DDAH1: variants seen among roughly 807,000 people sequenced by gnomAD.
DDAH1 encodes dimethylarginine dimethylaminohydrolase 1.
Under a neutral mutation model 28.8 loss-of-function variants are expected in DDAH1, and 19 were observed. The ratio of observed to expected loss-of-function variants is 0.66; its 90% CI spans 0.46 to 0.97. The LOEUF (loss-of-function observed/expected upper bound fraction) is 0.97. Among genes scored for constraint, DDAH1 ranks in the 50% least tolerant of loss-of-function variants. The pLI is 0.00. For missense variants in DDAH1, 326 were observed against 375.9 expected (o/e 0.87, Z 1.10); for synonymous variants, 153 against 154.4 (o/e 0.99, Z 0.07).
intron 1 of DDAH1, among the ~76,000 whole-genome samples, chr1:85,451,089 G>A (rs887981967): frequency 6.6e-6 from 1 of 152,184 alleles, no homozygotes; most frequent in African/African-American, 2.4e-5. Context: ...TGCCAGCTGA[G>A]GATCAAGTGC....
At chr1:85,447,952 A>G (rs1557642433) in intron 1 of DDAH1, 1 of 152,196 alleles carries the variant, frequency 6.6e-6, no homozygotes, top group Non-Finnish European at 1.5e-5. Flanking sequence ...TGGAGACCCT[A>G]TACAGTGCTG....
At chr1:85,544,725 C>T (rs544822685) in intron 1 of DDAH1, among the ~76,000 whole-genome samples, 5 of 152,254 alleles carry the variant, frequency 3.3e-5, no homozygotes, top group South Asian at 4.2e-4. Context: ...GGATGGAACA[C>T]GACTCCTTTT....
At chr1:85,381,858 C>T (rs961879193) in intron 1 of DDAH1, among the ~76,000 whole-genome samples, 6 of 152,120 alleles carry the variant, frequency 3.9e-5, no homozygotes, top group South Asian at 4.2e-4. Flanking sequence ...AAACTTACTA[C>T]GTCCACATAA....
intron 1 of DDAH1, among the ~76,000 whole-genome samples, chr1:85,387,003 G>A (rs1346386451): frequency 2.0e-5 from 3 of 152,210 alleles, no homozygotes; most frequent in Non-Finnish European, 4.4e-5. Context: ...TCCTGAGGTG[G>A]TATAGGGCAG....
At chr1:85,345,014 T>C (rs1258118567) in intron 4 of DDAH1, among the ~76,000 whole-genome samples, 1 of 152,172 alleles carries the variant, frequency 6.6e-6, no homozygotes, top group Non-Finnish European at 1.5e-5. Context: ...AACATATATA[T>C]TTTTCCTAAA....
intron 4 of DDAH1, among the ~76,000 whole-genome samples, chr1:85,336,762 A>T (rs1648154948): frequency 6.6e-6 from 1 of 152,094 alleles, no homozygotes; most frequent in Non-Finnish European, 1.5e-5. Flanking sequence ...TGAAAAAATA[A>T]AGAAAATTGA....
chr1:85,420,653 A>AT (rs1653097075), intron 1 of DDAH1, among the ~76,000 whole-genome samples: 1 of 152,222 alleles, frequency 6.6e-6, no homozygotes, highest in Admixed American at 6.5e-5. Context: ...TTCACTGTGC[A>AT]TACCACTGTC....
intron 1 of DDAH1, among the ~76,000 whole-genome samples, chr1:85,559,621 G>T (rs1213169273): frequency 4.6e-5 from 7 of 152,114 alleles, no homozygotes; most frequent in Non-Finnish European, 1.0e-4. Context: ...ATAATGTGAT[G>T]AGAAGTGAAA....
intron 4 of DDAH1, among the ~76,000 whole-genome samples, chr1:85,344,330 A>C (rs1648696992): frequency 6.6e-6 from 1 of 152,216 alleles, no homozygotes; most frequent in South Asian, 2.1e-4. Flanking sequence ...GTAATATATG[A>C]AAAAAATGAA....
intron 1 of DDAH1, among the ~76,000 whole-genome samples, chr1:85,569,915 G>A (rs1337782556): frequency 6.6e-6 from 1 of 152,018 alleles, no homozygotes; most frequent in East Asian, 1.9e-4. Context: ...CTTATCACTC[G>A]CTATACCCCA....
intron 1 of DDAH1, among the ~76,000 whole-genome samples, chr1:85,410,108 C>T (rs918678277): frequency 6.6e-6 from 1 of 151,326 alleles, no homozygotes; most frequent in Non-Finnish European, 1.5e-5. Flanking sequence ...TGGCACAACC[C>T]CATCTCTACA....
At chr1:85,462,695 A>T (rs1254364494) in intron 1 of DDAH1, among the ~76,000 whole-genome samples, 1 of 152,180 alleles carries the variant, frequency 6.6e-6, no homozygotes, top group Non-Finnish European at 1.5e-5. Context: ...ATTGCCCTAC[A>T]TGACTCTGCC....
At chr1:85,325,297 G>A (rs1248133884) in intron 4 of DDAH1, among the ~76,000 whole-genome samples, 1 of 152,114 alleles carries the variant, frequency 6.6e-6, no homozygotes, top group African/African-American at 2.4e-5. Flanking sequence ...AATCAGAATA[G>A]TCAATAATGT....
intron 2 of DDAH1, among the ~76,000 whole-genome samples, chr1:85,489,275 C>T (rs749318093): frequency 1.3e-5 from 2 of 152,176 alleles, no homozygotes; most frequent in Non-Finnish European, 2.9e-5. Context: ...AGGGTGTGTG[C>T]TATTCCAGCA....
chr1:85,543,345 A>G (rs1232384890), intron 1 of DDAH1, among the ~76,000 whole-genome samples: 1 of 152,224 alleles, frequency 6.6e-6, no homozygotes, highest in Non-Finnish European at 1.5e-5. Context: ...TGCACGGAGA[A>G]TGCTGGGATC....
intron 1 of DDAH1, among the ~76,000 whole-genome samples, chr1:85,577,609 G>C (rs1392962043): frequency 6.6e-6 from 1 of 152,064 alleles, no homozygotes; most frequent in African/African-American, 2.4e-5. Context: ...GAAACTCTGG[G>C]GTGGGAACCC....
At chr1:85,571,707 A>G (rs1187071770) in intron 1 of DDAH1, among the ~76,000 whole-genome samples, 1 of 151,898 alleles carries the variant, frequency 6.6e-6, no homozygotes, top group African/African-American at 2.4e-5. Context: ...AATTCTCCCA[A>G]AGACATTTTC....
chr1:85,326,168 ATCAT>A (rs1216653080), intron 4 of DDAH1, among the ~76,000 whole-genome samples: 2 of 152,212 alleles, frequency 1.3e-5, no homozygotes, highest in Non-Finnish European at 2.9e-5. Context: ...AGTCAGGTAA[ATCAT>A]TCACTTCTAG....
intron 1 of DDAH1, among the ~76,000 whole-genome samples, chr1:85,423,037 T>C (rs576626845): frequency 6.6e-6 from 1 of 152,302 alleles, no homozygotes; most frequent in Admixed American, 6.5e-5. Flanking sequence ...GCTGAGCAGA[T>C]TAGGAGAAAT....
Sources: gnomAD v4.1 joint callset for allele counts (sites outside exome capture counted in the v4.1 genomes callset) on GRCh38, gnomAD v4.1.1 for gene constraint, MANE v1.5 for transcripts, NCBI Gene and HGNC (gene_info 2026-07-23, HGNC 2026-07-21) for gene names.